ZC4H2: variants seen among roughly 807,000 people sequenced by gnomAD.
ZC4H2 encodes the protein zinc finger C4H2-type containing, also known as zinc finger C4H2 domain-containing protein.
For missense variants in ZC4H2, 137 were observed against 173.9 expected (o/e 0.79, Z 1.19); for synonymous variants, 84 against 66.3 (o/e 1.27, Z -1.30).
At chrX:64,993,483 A>C (rs1472935478) in intron 1 of ZC4H2, among the ~76,000 whole-genome samples, 1 of 111,478 alleles carries the variant, frequency 9.0e-6, no homozygotes, top group Non-Finnish European at 1.9e-5. Flanking sequence ...GTGTTCTTAT[A>C]AAAGAGGCCA....
intron 1 of ZC4H2, 98 bp downstream of exon 1, chrX:64,976,227 C>G: frequency 9.9e-7 from 1 of 1,012,697 alleles, no homozygotes; most frequent in Non-Finnish European, 1.4e-6. Flanking sequence ...GGGCCCCTTT[C>G]CAGCTCCTCT....
chrX:64,986,316 A>G (rs1325137804), intron 1 of ZC4H2, among the ~76,000 whole-genome samples: 1 of 112,016 alleles, frequency 8.9e-6, no homozygotes, highest in Non-Finnish European at 1.9e-5. Context: ...TCTGCCTTCC[A>G]TGTTTCAAGA....
intron 1 of ZC4H2, among the ~76,000 whole-genome samples, chrX:64,952,835 T>C (rs928807333): frequency 9.0e-6 from 1 of 111,121 alleles, no homozygotes; most frequent in African/African-American, 3.3e-5. Flanking sequence ...AAAGTTCATA[T>C]GGAACCAAAA....
Position 64,920,169 on chromosome X carries a change from G to T in ZC4H2, c.310C>A (p.Leu104Met), listed in dbSNP as rs755959132. ...CGCAGGGCATCCACATGTTCTTTCA[G>T]TGGCTTATACTCATCATGCAGCCTC... is the stretch of plus-strand genomic sequence containing the variant. ...TRRLHDEYKPLKEHVDALRMT... is the reference protein window; with the variant it reads ...TRRLHDEYKPMKEHVDALRMT... Residue 104 changes from leucine (L) to methionine (M), a missense_variant, in exon 3 of 5, where the codon CTG becomes ATG. Physicochemically the swap from Leu to Met is conservative, Grantham distance 15. Coordinates refer to ENST00000374839, the MANE Select transcript of ZC4H2 (RefSeq NM_018684.4). The T allele has an allele frequency of 8.3e-7, 1 of 1,211,716 alleles. No homozygotes were observed. The highest frequency in any genetic ancestry group is 3.0e-5 in the East Asian group (1 of 33,826).
rs770856857 is a variant in ZC4H2, at chrX:64,942,131, G to C, written c.54-20143C>G. ...CTAGTTTAGTCTTGGGAGTGTGTTT[G>C]TGTCCAGAAATTTATCCATTTCTTC... On this transcript the variant is annotated intron_variant, in intron 1 of 4. Transcript: ENST00000374839. 3.8e-4 allele frequency among the ~76,000 whole-genome samples: 42 copies of C among 111,264 alleles called. No individual in the cohort carries two copies. In the South Asian group the frequency reaches 0.013, roughly 34 times the overall value.
chrX:64,975,802 G>C (rs1166250134), intron 1 of ZC4H2, among the ~76,000 whole-genome samples: 1 of 110,941 alleles, frequency 9.0e-6, no homozygotes, highest in Non-Finnish European at 1.9e-5. Flanking sequence ...AGTGGCGAGT[G>C]AGTGAAAGGA....
chrX:64,997,400 T>G (rs1932437983), intron 1 of ZC4H2, among the ~76,000 whole-genome samples: 1 of 111,801 alleles, frequency 8.9e-6, no homozygotes, highest in Non-Finnish European at 1.9e-5. Context: ...CAAAACCATA[T>G]GAAGAAATAA....
chrX:64,944,141 C>CTTTTTT (rs746540220), intron 1 of ZC4H2, among the ~76,000 whole-genome samples: 2 of 89,175 alleles, frequency 2.2e-5, no homozygotes, highest in African/African-American at 4.4e-5. Flanking sequence ...TTTCTTTTTT[C>CTTTTTT]TTTTTTTTTT....
At chrX:64,923,783 A>G (rs745832959) in intron 1 of ZC4H2, among the ~76,000 whole-genome samples, 1 of 108,929 alleles carries the variant, frequency 9.2e-6, no homozygotes, top group Non-Finnish European at 1.9e-5. Context: ...TAACTTGCCC[A>G]GTACCACAGA....
rs1928922917 is a variant in ZC4H2 at position 64,916,413 on chromosome X, A to G, written c.*1370T>C. 1 of 112,206 alleles carries G rather than the reference A, an allele frequency of 8.9e-6. No homozygotes were observed. The highest frequency in any genetic ancestry group is 9.4e-5 in the Admixed American group (1 of 10,624). 9.2% of individuals were successfully genotyped at this position (112,206 alleles called of 1,213,427 possible). On this transcript the variant is annotated 3_prime_UTR_variant, in exon 5 of 5. Coordinates refer to ENST00000374839, the MANE Select transcript of ZC4H2 (RefSeq NM_018684.4). The stretch of plus-strand genomic sequence containing the variant: ...CATTACATCTTTTGTATTATCCAAT[A>G]CACAGTAGATACTCAGAATTTACTC...
intron 1 of ZC4H2, among the ~76,000 whole-genome samples, chrX:65,033,360 T>G (rs1024946076): frequency 1.8e-5 from 2 of 112,017 alleles, no homozygotes; most frequent in African/African-American, 6.5e-5. Flanking sequence ...AATTAAAAAG[T>G]GTAGTTTTAG....
chrX:64,952,569 T>A (rs1044576191), intron 1 of ZC4H2, among the ~76,000 whole-genome samples: 1 of 111,180 alleles, frequency 9.0e-6, no homozygotes, highest in African/African-American at 3.3e-5. Context: ...CCTTTCACAG[T>A]TGCTTCAAAG....
intron 1 of ZC4H2, among the ~76,000 whole-genome samples, chrX:64,940,253 G>C (rs1247159845): frequency 9.0e-6 from 1 of 111,654 alleles, no homozygotes; most frequent in African/African-American, 3.3e-5. Context: ...TTTTAATGGG[G>C]TTGGTTTTTT....
At chrX:65,025,604 T>C (rs949729412) in intron 1 of ZC4H2, among the ~76,000 whole-genome samples, 2 of 111,162 alleles carry the variant, frequency 1.8e-5, no homozygotes, top group African/African-American at 6.5e-5. Flanking sequence ...CTCCAACCAA[T>C]GCCCCAAAAT....
intron 1 of ZC4H2, among the ~76,000 whole-genome samples, chrX:64,972,979 AAC>A (rs1931829999): frequency 8.9e-6 from 1 of 111,844 alleles, no homozygotes; most frequent in Admixed American, 9.5e-5. Context: ...TCACTTTTGG[AAC>A]ACACACATTT....
At chrX:65,023,809 A>G (rs1932855090) in intron 1 of ZC4H2, among the ~76,000 whole-genome samples, 1 of 111,765 alleles carries the variant, frequency 8.9e-6, no homozygotes, top group Non-Finnish European at 1.9e-5. Flanking sequence ...GTGCATACAT[A>G]CATTTATTGT....
chrX:65,010,881 G>A (rs1932749364), intron 1 of ZC4H2, among the ~76,000 whole-genome samples: 1 of 111,779 alleles, frequency 8.9e-6, no homozygotes, highest in Non-Finnish European at 1.9e-5. Flanking sequence ...TATTTTCATA[G>A]TTACTATTTT....
intron 1 of ZC4H2, among the ~76,000 whole-genome samples, chrX:64,997,664 G>A (rs1602445397): frequency 8.9e-6 from 1 of 112,182 alleles, no homozygotes; most frequent in East Asian, 2.8e-4. Flanking sequence ...ATGGAGTGCA[G>A]TGGCACAATC....
intron 1 of ZC4H2, among the ~76,000 whole-genome samples, chrX:64,928,458 C>T (rs1262205094): frequency 9.0e-6 from 1 of 111,690 alleles, no homozygotes; most frequent in Non-Finnish European, 1.9e-5. Flanking sequence ...AATCCAAGGA[C>T]TCTGTTCTGT....
Sources: gnomAD v4.1 joint callset for allele counts (sites outside exome capture counted in the v4.1 genomes callset) on GRCh38, gnomAD v4.1.1 for gene constraint, MANE v1.5 for transcripts, NCBI Gene and HGNC (gene_info 2026-07-23, HGNC 2026-07-21) for gene names.